CACYBP: variants seen among roughly 807,000 people sequenced by gnomAD.
The protein encoded by CACYBP is calcyclin binding protein.
CACYBP carries 11 observed loss-of-function variants against 29.6 expected under a neutral mutation model. The observed-to-expected ratio is 0.37, with a 90% CI of 0.23 to 0.61. The LOEUF is 0.61. Among genes scored for constraint, CACYBP ranks in the 20% least tolerant of loss-of-function variants. The probability of loss-of-function intolerance (pLI) is 0.65; values close to 1 mark genes in which losing one functional copy is unlikely to be tolerated. For missense variants in CACYBP, 163 were observed against 260.7 expected, an observed-to-expected ratio of 0.63 and a Z score of 2.58; for synonymous variants, 73 against 88.3, an observed-to-expected ratio of 0.83 and a Z score of 0.97.
At chr1:175,001,266 T>C (rs1672482244) in intron 1 of CACYBP, among the ~76,000 whole-genome samples, 1 of 152,210 alleles carries the variant, frequency 6.6e-6, no homozygotes, top group African/African-American at 2.4e-5. Context: ...GTAGAGATCG[T>C]TCTCAGTTTA....
In CACYBP at chr1:175,004,641, G is replaced by A; in HGVS notation, c.43G>A (p.Val15Met). ...ELQKDLEEVK[V>M]LLEKATRKRV... is the part of the protein sequence containing the mutation. Reference sequence around the variant, plus strand: ...ACAGAAAGATCTAGAAGAGGTAAAGGTGTTGCTGGAAAAGGCTACTAGGAA... The same window carrying A: ...ACAGAAAGATCTAGAAGAGGTAAAGATGTTGCTGGAAAAGGCTACTAGGAA... Residue 15 changes from valine to methionine, a missense_variant, in exon 2 of 6, where the codon GTG becomes ATG. Val to Met is a conservative substitution (Grantham distance 21). Coordinates refer to ENST00000367679, the MANE Select transcript of CACYBP (RefSeq NM_014412.3). 6.2e-7 allele frequency: 1 copy of A among 1,609,656 alleles called. No homozygotes were observed. Among genetic ancestry groups the A allele is most frequent in the Non-Finnish European group, 8.5e-7 (1 of 1,178,280 alleles).
chr1:175,007,745 A>G (rs1313830203), intron 4 of CACYBP, among the ~76,000 whole-genome samples: 1 of 152,262 alleles, frequency 6.6e-6, no homozygotes, highest in African/African-American at 2.4e-5. Flanking sequence ...AGCATTGTGC[A>G]TAATACTCGT....
chr1:175,000,457 G>A, intron 1 of CACYBP: 2 of 1,374,808 alleles, frequency 1.5e-6, no homozygotes, highest in Non-Finnish European at 1.9e-6. Flanking sequence ...GGCGGTGCGG[G>A]GAGTGGGTCT....
rs1022745746 is a variant in CACYBP, at chr1:175,010,224, C to T, written c.*145C>T. 3 of 609,238 alleles carry T rather than the reference C, an allele frequency of 4.9e-6. No homozygotes were observed. In the African/African-American group the frequency reaches 5.6e-5, roughly 11 times the overall value. The allele number at this position is 609,238 out of a possible 1,614,324, so 37.7% of individuals were successfully genotyped here. ...GTAAAGGCAATGAATTCTCCATTTCCTACTGGAGGATTTATTTAAATAAAA... is the reference window on the plus strand; with the variant it reads ...GTAAAGGCAATGAATTCTCCATTTCTTACTGGAGGATTTATTTAAATAAAA... On this transcript the variant is annotated 3_prime_UTR_variant, in exon 6 of 6. Coordinates refer to ENST00000367679, the MANE Select transcript of CACYBP (RefSeq NM_014412.3).
At chr1:175,002,071 A>G (rs998331861) in intron 1 of CACYBP, among the ~76,000 whole-genome samples, 12 of 152,108 alleles carry the variant, frequency 7.9e-5, no homozygotes, top group Non-Finnish European at 1.6e-4. Flanking sequence ...GACTAGCATA[A>G]ATAATGCTGC....
intron 2 of CACYBP, chr1:175,005,168 T>A (rs1574108831): frequency 3.0e-6 from 1 of 330,860 alleles, no homozygotes; most frequent in Admixed American, 4.6e-5. Context: ...ACCACCACAA[T>A]TAACTGAGGA....
chr1:175,000,610 A>C, intron 1 of CACYBP: 1 of 1,086,484 alleles, frequency 9.2e-7, no homozygotes, highest in Non-Finnish European at 1.1e-6. Context: ...GTGAGTTCTC[A>C]GTGCTAGCAC....
rs150169656 is a variant in CACYBP, at chr1:175,004,793, T to C, written c.195T>C (p.Ala65=). 1.2e-6 allele frequency: 2 copies of C among 1,613,438 alleles called. No homozygotes were observed. Among genetic ancestry groups the C allele is most frequent in the Admixed American group, 1.7e-5 (1 of 59,994 alleles). Residue 65 remains alanine (A), a synonymous_variant, in exon 2 of 6, where the codon GCT becomes GCC. Transcript: ENST00000367679. ...ATGAAAAACCAGCTGCTGTGGTTGC[T>C]CCCATTACAACGGGCTATACGGTGA... ...LDNEKPAAVV[A]PITTGYTVKI...
chr1:175,002,031 C>T (rs1672504510), intron 1 of CACYBP, among the ~76,000 whole-genome samples: 1 of 152,196 alleles, frequency 6.6e-6, no homozygotes, highest in African/African-American at 2.4e-5. Context: ...CAGGTGTGAG[C>T]CATGGCGCCT....
Position 175,000,081 on chromosome 1 carries a change from G to A in CACYBP, c.-100G>A, listed in dbSNP as rs1391629132. 6.7e-7 allele frequency: 1 copy of A among 1,485,232 alleles called. No homozygotes were observed. Among genetic ancestry groups the A allele is most frequent in the Non-Finnish European group, 9.2e-7 (1 of 1,087,614 alleles). 92.0% of individuals were successfully genotyped at this position (1,485,232 alleles called of 1,614,324 possible). A position where few individuals can be genotyped will look rare whatever the true frequency, so the allele number is the denominator to read the frequency against. ...CGCAGGCTGCAGCGCCGCGACTCGT[G>A]CGGGTAGGCGTCTGCGCTCGGTTTG... On this transcript the variant is annotated 5_prime_UTR_variant, in exon 1 of 6. Transcript: ENST00000367679.
rs1358036841 is a variant in CACYBP at position 175,011,567 on chromosome 1, C to T, written c.*1488C>T. 1 of 152,046 alleles carries T rather than the reference C, an allele frequency of 6.6e-6. No homozygotes were observed. Among genetic ancestry groups the T allele is most frequent in the Non-Finnish European group, 1.5e-5 (1 of 67,990 alleles). The allele number at this position is 152,046 out of a possible 1,614,324, so 9.4% of individuals were successfully genotyped here. A position where few individuals can be genotyped will look rare whatever the true frequency, so the allele number is the denominator to read the frequency against. Reference sequence around the variant, plus strand: ...AAAAATGTTTATAGGACAAGAAAAACCCCACCATAACCCAAGGCAAACAAT... The same window carrying T: ...AAAAATGTTTATAGGACAAGAAAAATCCCACCATAACCCAAGGCAAACAAT... On this transcript the variant is annotated 3_prime_UTR_variant, in exon 6 of 6. Coordinates refer to ENST00000367679, the MANE Select transcript of CACYBP (RefSeq NM_014412.3).
rs192173748 is a variant in CACYBP at position 175,009,710 on chromosome 1, A to G, written c.531-213A>G. On this transcript the variant is annotated intron_variant, in intron 5 of 5. Coordinates refer to ENST00000367679, the MANE Select transcript of CACYBP (RefSeq NM_014412.3). ...CTAAAAATAGCCCCTAACTATTTTG[A>G]TGACCTCTTTCGTGCACCAAGTGTG... Among the ~76,000 whole-genome samples, 221 of 149,958 alleles carry G rather than the reference A, an allele frequency of 1.5e-3. 1 individual carries two copies. Among genetic ancestry groups the G allele is most frequent in the South Asian group, 4.2e-3 (20 of 4,736 alleles).
chr1:175,000,394 C>T, intron 1 of CACYBP, 199 bp downstream of exon 1: 2 of 1,414,982 alleles, frequency 1.4e-6, no homozygotes, highest in Non-Finnish European at 1.8e-6. Context: ...CTCGACCTCG[C>T]ACCCCACTCG....
At chr1:175,009,895 C>G (rs1029458564) in intron 5 of CACYBP, 28 bp from the exon 6 acceptor site, 2 of 1,580,680 alleles carry the variant, frequency 1.3e-6, no homozygotes, top group African/African-American at 2.7e-5. Flanking sequence ...TTCGTTTCCC[C>G]ATTGTTGTAT....
chr1:175,006,626 T>C (rs758728598), intron 2 of CACYBP, 119 bp from the exon 3 acceptor site: 2 of 568,912 alleles, frequency 3.5e-6, no homozygotes, highest in Non-Finnish European at 3.1e-6. Context: ...AATTTTTTCA[T>C]GTTTATATGA....
rs1249956795 is a variant in CACYBP, at chr1:175,010,226, A to C, written c.*147A>C. The stretch of plus-strand genomic sequence containing the variant: ...AAAGGCAATGAATTCTCCATTTCCT[A>C]CTGGAGGATTTATTTAAATAAAATA... On this transcript the variant is annotated 3_prime_UTR_variant, in exon 6 of 6. Coordinates refer to ENST00000367679, the MANE Select transcript of CACYBP (RefSeq NM_014412.3). The C allele has an allele frequency of 2.1e-5, 13 of 607,160 alleles. No individual in the cohort carries two copies. The Admixed American group carries it at 4.2e-4, about 20-fold the overall frequency. The allele number at this position is 607,160 out of a possible 1,614,324, so 37.6% of individuals were successfully genotyped here. A position where few individuals can be genotyped will look rare whatever the true frequency, so the allele number is the denominator to read the frequency against.
rs1264437435 is a variant in CACYBP, at chr1:175,000,130, T to C, written c.-51T>C. On this transcript the variant is annotated 5_prime_UTR_variant, in exon 1 of 6. Coordinates refer to ENST00000367679, the MANE Select transcript of CACYBP (RefSeq NM_014412.3). The stretch of plus-strand genomic sequence containing the variant: ...TGAGGGCTCGGCGCGGGGTTTCCTG[T>C]TCCTCCTTCTGCGCGGCTGCAGCTC... 6.3e-7 allele frequency: 1 copy of C among 1,583,310 alleles called. No individual in the cohort carries two copies. Among genetic ancestry groups the C allele is most frequent in the Non-Finnish European group, 8.6e-7 (1 of 1,164,356 alleles).
rs374118823 is a variant in CACYBP, at chr1:175,010,063, G to C, written c.671G>C (p.Gly224Ala). 1.9e-6 allele frequency: 3 copies of C among 1,612,866 alleles called. No homozygotes were observed. The highest frequency in any genetic ancestry group is 2.7e-5 in the African/African-American group (2 of 74,792). Reference sequence around the variant, plus strand: ...GAATCAAGAGAGAAGCAAGCCAAAGGAGACACGGAATTTTGAGACTTTAAA... The same window carrying C: ...GAATCAAGAGAGAAGCAAGCCAAAGCAGACACGGAATTTTGAGACTTTAAA... ...WVESREKQAK[G>A]DTEF The change falls in exon 6 of 6, where the codon GGA (glycine) becomes GCA (alanine). Residue 224 changes from glycine (G) to alanine (A), a missense_variant. Physicochemically the swap from Gly to Ala is moderately conservative, Grantham distance 60. Transcript: ENST00000367679.
At chr1:175,005,812 A>T (rs540881747) in intron 2 of CACYBP, among the ~76,000 whole-genome samples, 1 of 152,192 alleles carries the variant, frequency 6.6e-6, no homozygotes, top group African/African-American at 2.4e-5. Flanking sequence ...CGGAGGATGG[A>T]CTGACTGAAT....
Sources: gnomAD v4.1 joint callset for allele counts (sites outside exome capture counted in the v4.1 genomes callset) on GRCh38, gnomAD v4.1.1 for gene constraint, MANE v1.5 for transcripts, NCBI Gene and HGNC (gene_info 2026-07-23, HGNC 2026-07-21) for gene names.